Variants in DIDO1 observed in about 807,000 individuals in gnomAD.
DIDO1 encodes the protein death inducer-obliterator 1, also known as death-inducer obliterator 1.
A neutral mutation model predicts 99.4 loss-of-function variants in DIDO1; 16 were observed. The observed-to-expected ratio is 0.16, with a 90% CI of 0.11 to 0.24. The LOEUF (loss-of-function observed/expected upper bound fraction) is 0.24. Ranked by LOEUF, DIDO1 falls within the 10% of genes least tolerant of loss-of-function variation. DIDO1 has a pLI of 1.00. For synonymous variants in DIDO1, 1,366 were observed against 1,239.1 expected, an observed-to-expected ratio of 1.10 and a Z score of -2.15; for missense variants, 2,996 against 3,014.0, an observed-to-expected ratio of 0.99 and a Z score of 0.14.
chr20:62,879,694 T>C lies in DIDO1; in HGVS notation c.6262A>G (p.Arg2088Gly). 1 of 1,610,970 alleles carries C rather than the reference T, an allele frequency of 6.2e-7. No individual in the cohort carries two copies. Among genetic ancestry groups the C allele is most frequent in the Non-Finnish European group, 8.5e-7 (1 of 1,179,806 alleles). Residue 2088 changes from arginine to glycine, a missense_variant, in exon 16 of 16, where the codon AGA becomes GGA. By Grantham distance (125) the Arg-to-Gly change is moderately radical (BLOSUM62 -2). Coordinates refer to ENST00000395343, the MANE Select transcript of DIDO1 (RefSeq NM_001193369.2). This position sits in a 1 kb window ranked among gnomAD's most constrained non-coding sequence, Gnocchi z 6.3. ...TTGGGCCCCACGTCAAACCGCTCTC[T>C]CTGCCTCCCTTCGAAAGTCTGGTTT... is the stretch of plus-strand genomic sequence containing the variant. Reference protein sequence around the residue: ...YRNQTFEGRQRERFDVGPKEK... With the variant: ...YRNQTFEGRQGERFDVGPKEK...
Position 62,910,026 on chromosome 20 carries a change from AT to A in DIDO1, c.840-7del. On this transcript the variant is annotated splice_region_variant and splice_polypyrimidine_tract_variant and intron_variant, in intron 3 of 15. Coordinates refer to ENST00000395343, the MANE Select transcript of DIDO1 (RefSeq NM_001193369.2). ...GGTCACAGCAAATCATAAACCTGAA[AT>A]TATAAAATAACGGTATTAGCAATGG... The A allele has an allele frequency of 6.2e-7, 1 of 1,600,098 alleles. No homozygotes were observed. Among genetic ancestry groups the A allele is most frequent in the Non-Finnish European group, 8.5e-7 (1 of 1,175,156 alleles).
At position 62,879,154 on chromosome 20, in the gene DIDO1, C is replaced by G; in HGVS notation, c.*79G>C. The G allele has an allele frequency of 1.6e-6, 2 of 1,273,404 alleles. No individual in the cohort carries two copies. Among genetic ancestry groups the G allele is most frequent in the Non-Finnish European group, 2.1e-6 (2 of 964,480 alleles). 78.9% of individuals were successfully genotyped at this position (1,273,404 alleles called of 1,614,324 possible). A position where few individuals can be genotyped will look rare whatever the true frequency, so the allele number is the denominator to read the frequency against. On this transcript the variant is annotated 3_prime_UTR_variant, in exon 16 of 16. Coordinates refer to ENST00000395343, the MANE Select transcript of DIDO1 (RefSeq NM_001193369.2). This position sits in a 1 kb window ranked among gnomAD's most constrained non-coding sequence, Gnocchi z 6.3. ...GAATATTCTATCCTGAATCTAAGAT[C>G]GTGGCTATTTCAAAAGCTATTTGTT...
Position 62,893,925 on chromosome 20 carries a change from G to A in DIDO1, c.2842C>T (p.Pro948Ser). The change falls in exon 12 of 16, where the codon CCC becomes TCC. Residue 948 changes from proline (P) to serine (S), a missense_variant. Pro to Ser is a moderately conservative substitution (Grantham distance 74). Transcript: ENST00000395343. ...PEPSPLEDLS[P>S]CPASCGSGVV... ...CCGCTCCCACAGGAGGCTGGGCAGGGGGACAGGTCTTCCAGCGGGGAGGGC... is the reference window on the plus strand; with the variant it reads ...CCGCTCCCACAGGAGGCTGGGCAGGAGGACAGGTCTTCCAGCGGGGAGGGC... 2 of 1,611,938 alleles carry A rather than the reference G, an allele frequency of 1.2e-6. No individual in the cohort carries two copies. The highest frequency in any genetic ancestry group is 2.7e-5 in the African/African-American group (2 of 75,014).
rs764477610 is a variant in DIDO1 at position 62,881,144 on chromosome 20, C to T, written c.4812G>A (p.Ala1604=). 2 of 1,608,006 alleles carry T rather than the reference C, an allele frequency of 1.2e-6. No homozygotes were observed. Among genetic ancestry groups the T allele is most frequent in the East Asian group, 2.2e-5 (1 of 44,806 alleles). ...CTTTTTCCTCCGGGACTGGCATGGG[C>T]GCCTGGCCCACGAGGCCACCCCTGG... The part of the protein sequence containing the change: ...DASRGGLVGQ[A]PMPVPEEKEP... The change falls in exon 16 of 16, where the codon GCG becomes GCA. Residue 1604 remains alanine, a synonymous_variant. Transcript: ENST00000395343. The surrounding 1 kb of genome is among the most constrained non-coding windows in gnomAD (Gnocchi z 8.3).
At chr20:62,914,188 A>G (rs2064998558) in intron 2 of DIDO1, 22 bp downstream of exon 2, 1 of 152,218 alleles carries the variant, frequency 6.6e-6, no homozygotes, top group South Asian at 2.1e-4. Context: ...TTTTGTTGCT[A>G]CTAACAGTGT....
At chr20:62,884,283 C>T (rs1012220141) in intron 15 of DIDO1, among the ~76,000 whole-genome samples, 6 of 152,134 alleles carry the variant, frequency 3.9e-5, no homozygotes, top group Non-Finnish European at 4.4e-5. Flanking sequence ...ATTCCAGTAA[C>T]GACCATCCCC....
rs2064206859 is a variant in DIDO1 at position 62,881,577 on chromosome 20, G to A, written c.4379C>T (p.Pro1460Leu). Reference protein sequence around the residue: ...ADVRRNSVERPAEPVAGAATP... With the variant: ...ADVRRNSVERLAEPVAGAATP... ...CGCAGCCCCGGCCACCGGCTCGGCA[G>A]GCCTCTCCACGGAGTTCCTTCTCAC... The change falls in exon 16 of 16, where the codon CCT (proline) becomes CTT (leucine). Residue 1460 changes from proline to leucine, a missense_variant. Pro to Leu is a moderately conservative substitution (Grantham distance 98). Coordinates refer to ENST00000395343, the MANE Select transcript of DIDO1 (RefSeq NM_001193369.2). The surrounding 1 kb of genome is among the most constrained non-coding windows in gnomAD (Gnocchi z 8.3). 1 of 1,611,370 alleles carries A rather than the reference G, an allele frequency of 6.2e-7. No homozygotes were observed. Among genetic ancestry groups the A allele is most frequent in the African/African-American group, 1.3e-5 (1 of 75,050 alleles).
At chr20:62,884,802 C>T (rs1471573218) in intron 15 of DIDO1, among the ~76,000 whole-genome samples, 1 of 152,170 alleles carries the variant, frequency 6.6e-6, no homozygotes, top group Non-Finnish European at 1.5e-5. Context: ...ACCTCACCTC[C>T]ACCTCCTCTT....
intron 6 of DIDO1, among the ~76,000 whole-genome samples, chr20:62,899,846 TC>T (rs932180867): frequency 2.6e-4 from 39 of 152,276 alleles, no homozygotes; most frequent in African/African-American, 9.4e-4. Flanking sequence ...CAGCAACTGT[TC>T]CAGGGACCCG....
At chr20:62,922,068 T>C (rs1187609681) in intron 1 of DIDO1, among the ~76,000 whole-genome samples, 1 of 139,056 alleles carries the variant, frequency 7.2e-6, no homozygotes. Flanking sequence ...ATACACACAC[T>C]ATATACACTA....
rs527580086 is a variant in DIDO1, at chr20:62,905,322, C to T, written c.1588+565G>A. On this transcript the variant is annotated intron_variant, in intron 6 of 15. Transcript: ENST00000395343. The stretch of plus-strand genomic sequence containing the variant: ...CGAATGTGTTCATGTGGGTGTGTAG[C>T]GTGTGAATCGGACATGGAAAAAAAA... 8.5e-5 allele frequency: 121 copies of T among 1,423,606 alleles called. No homozygotes were observed. In the African/African-American group the frequency reaches 1.5e-3, roughly 17 times the overall value. The allele number at this position is 1,423,606 out of a possible 1,614,324, so 88.2% of individuals were successfully genotyped here. A position where few individuals can be genotyped will look rare whatever the true frequency, so the allele number is the denominator to read the frequency against.
Position 62,905,550 on chromosome 20 carries a change from T to C in DIDO1, c.1588+337A>G, listed in dbSNP as rs772455034. 38 of 1,550,822 alleles carry C rather than the reference T, an allele frequency of 2.5e-5. No homozygotes were observed. In the South Asian group the frequency reaches 3.9e-4, roughly 16 times the overall value. ...GGGGTGGATGTGGCGTGCCGGGCAG[T>C]GTGGCTATGCAATCAGACTGGGATG... On this transcript the variant is annotated intron_variant, in intron 6 of 15. Coordinates refer to ENST00000395343, the MANE Select transcript of DIDO1 (RefSeq NM_001193369.2).
intron 6 of DIDO1, among the ~76,000 whole-genome samples, chr20:62,899,482 C>T (rs557506580): frequency 1.2e-4 from 18 of 152,294 alleles, no homozygotes; most frequent in African/African-American, 4.1e-4. Flanking sequence ...GATTTCTGCT[C>T]GTGTAACTAC....
chr20:62,911,700 C>A lies in DIDO1; in HGVS notation c.-2-86G>T. The A allele has an allele frequency of 2.4e-6, 3 of 1,235,800 alleles. No individual in the cohort carries two copies. The highest frequency in any genetic ancestry group is 3.3e-6 in the Non-Finnish European group (3 of 904,970). The allele number at this position is 1,235,800 out of a possible 1,614,324, so 76.6% of individuals were successfully genotyped here. ...CGCCAAACACGCGCAGCAGGGGCCA[C>A]CTCCCTACAAACAGTGGAGCTCTAC... is the stretch of plus-strand genomic sequence containing the variant. On this transcript the variant is annotated intron_variant, in intron 2 of 15. Coordinates refer to ENST00000395343, the MANE Select transcript of DIDO1 (RefSeq NM_001193369.2). This position sits in a 1 kb window ranked among gnomAD's most constrained non-coding sequence, Gnocchi z 7.0.
chr20:62,883,431 G>A (rs1165558259), intron 15 of DIDO1, among the ~76,000 whole-genome samples: 19 of 152,058 alleles, frequency 1.2e-4, no homozygotes, highest in Admixed American at 1.2e-3. Flanking sequence ...GGTGGCTCAC[G>A]CCTGTAATTC....
At chr20:62,929,563 C>T (rs981895553), upstream of DIDO1, among the ~76,000 whole-genome samples, 3 of 151,830 alleles carry the variant, frequency 2.0e-5, no homozygotes, top group Non-Finnish European at 4.4e-5. Context: ...CCACGCTGTG[C>T]TCCAGGGCCT....
chr20:62,903,018 CAAT>C (rs1291769051), intron 6 of DIDO1, among the ~76,000 whole-genome samples: 3 of 151,360 alleles, frequency 2.0e-5, no homozygotes, highest in African/African-American at 7.3e-5. Flanking sequence ...CATGCCTCGA[CAAT>C]AATGGGAGGT....
At chr20:62,907,750 G>T (rs2064839499) in intron 4 of DIDO1, among the ~76,000 whole-genome samples, 2 of 152,242 alleles carry the variant, frequency 1.3e-5, no homozygotes, top group African/African-American at 4.8e-5. Flanking sequence ...AGTCAAATGG[G>T]TCCGGCTAAA....
At chr20:62,923,029 T>TCTTG (rs1428109183) in intron 1 of DIDO1, among the ~76,000 whole-genome samples, 1 of 151,974 alleles carries the variant, frequency 6.6e-6, no homozygotes, top group Non-Finnish European at 1.5e-5. Context: ...GTGGACAGAG[T>TCTTG]CTTGCTCTGT....
Sources: allele counts gnomAD v4.1 joint callset (sites outside exome capture counted in the v4.1 genomes callset), GRCh38; gene constraint gnomAD v4.1.1; non-coding constraint Gnocchi (gnomAD v3.1); transcripts MANE v1.5; gene names NCBI Gene and HGNC (gene_info 2026-07-23, HGNC 2026-07-21).